The following VAT1 variants were observed in gnomAD, a reference collection of about 807,000 sequenced individuals.
The protein encoded by VAT1 is vesicle amine transport 1, also known as NADPH-dependent quinone oxidoreductase VAT1.
VAT1 carries 24 observed loss-of-function variants against 33.3 expected under a neutral mutation model. That is an observed-to-expected ratio of 0.72 (90% CI 0.52 to 1.01). The LOEUF (loss-of-function observed/expected upper bound fraction) is 1.01, where lower values mean the gene tolerates loss of function less well. Ranked by LOEUF, VAT1 falls within the 50% of genes least tolerant of loss-of-function variation. The pLI, the probability that VAT1 is intolerant of heterozygous loss-of-function variation, is 0.00. For missense variants in VAT1, 436 were observed against 533.7 expected (o/e 0.82, Z 1.80); for synonymous variants, 212 against 225.0 (o/e 0.94, Z 0.52).
rs2050508328 is a variant in VAT1, at chr17:43,014,892, C to T, written c.*1169G>A. ...CTCTGTACTTCCCTGCTCCATCTCC[C>T]CACCCATGTAAACAGAGTTTTGGGC... On this transcript the variant is annotated 3_prime_UTR_variant, in exon 6 of 6. Transcript: ENST00000355653. The T allele has an allele frequency of 6.5e-6, 1 of 152,710 alleles. No individual in the cohort carries two copies. The highest frequency in any genetic ancestry group is 1.5e-5 in the Non-Finnish European group (1 of 68,096). The allele number at this position is 152,710 out of a possible 1,614,324, so 9.5% of individuals were successfully genotyped here. A position where few individuals can be genotyped will look rare whatever the true frequency, so the allele number is the denominator to read the frequency against.
chr17:43,022,047 G>A lies in VAT1; in HGVS notation c.276C>T (p.Asp92=), dbSNP rs753864953. The A allele has an allele frequency of 3.5e-5, 57 of 1,607,272 alleles. No homozygotes were observed. The highest frequency in any genetic ancestry group is 2.0e-4 in the Middle Eastern group (1 of 5,128). Residue 92 remains aspartate (D), a synonymous_variant, in exon 1 of 6, where the codon GAC becomes GAT. Coordinates refer to ENST00000355653, the MANE Select transcript of VAT1 (RefSeq NM_006373.4). ...CGTACAGCCCCTGCCTAGCCATGAG[G>A]TCTGCGAAGTTGAGCCCGCAGGCCC... The part of the protein sequence containing the change: ...RLRACGLNFA[D]LMARQGLYDR...
rs758576139 is a variant in VAT1 at position 43,017,911 on chromosome 17, G to A, written c.786C>T (p.Asp262=). 3.1e-6 allele frequency: 5 copies of A among 1,614,158 alleles called. No individual in the cohort carries two copies. The South Asian group carries it at 5.5e-5, about 18-fold the overall frequency. ...TGGCAGTATCTGACCCACCCAGAGG[G>A]TCCATGACAATGTCCACTCCTGTCA... ...ISPKGVDIVM[D]PLGGSDTAKG... Residue 262 remains aspartate (D), a synonymous_variant, in exon 4 of 6, where the codon GAC becomes GAT. Coordinates refer to ENST00000355653, the MANE Select transcript of VAT1 (RefSeq NM_006373.4).
chr17:43,022,218 G>C lies in VAT1; in HGVS notation c.105C>G (p.Ser35=). The change falls in exon 1 of 6, where the codon TCC becomes TCG. Residue 35 remains serine, a synonymous_variant. Transcript: ENST00000355653. ...AASDPQHPAA[S]EGAAAAAASP... ...AGGCGGCGGCGGCGGCGGCCCCTTC[G>C]GAGGCCGCGGGATGCTGGGGGTCGC... 6.4e-7 allele frequency: 1 copy of C among 1,566,298 alleles called. No homozygotes were observed. Among genetic ancestry groups the C allele is most frequent in the East Asian group, 2.4e-5 (1 of 42,144 alleles).
Position 43,019,067 on chromosome 17 carries a change from CTATCCT to C in VAT1, c.388-274_388-269del, listed in dbSNP as rs1597784336. ...TTACATCAGTTCTTTGAGGCAGATACTATCCTTATCATCTTCTTACAGATCTTACAT... is the reference window on the plus strand; with the variant it reads ...TTACATCAGTTCTTTGAGGCAGATACTATCATCTTCTTACAGATCTTACAT... On this transcript the variant is annotated intron_variant, in intron 1 of 5. Coordinates refer to ENST00000355653, the MANE Select transcript of VAT1 (RefSeq NM_006373.4). 9.9e-6 allele frequency: 5 copies of C among 503,782 alleles called. No homozygotes were observed. In the East Asian group the frequency reaches 1.8e-4, roughly 18 times the overall value. The allele number at this position is 503,782 out of a possible 1,614,324, so 31.2% of individuals were successfully genotyped here.
chr17:43,022,288 G>A lies in VAT1; in HGVS notation c.35C>T (p.Thr12Ile). 1.3e-6 allele frequency: 2 copies of A among 1,587,486 alleles called. No homozygotes were observed. The highest frequency in any genetic ancestry group is 1.7e-6 in the Non-Finnish European group (2 of 1,169,242). Residue 12 changes from threonine to isoleucine, a missense_variant, in exon 1 of 6, where the codon ACC (threonine) becomes ATC (isoleucine). By Grantham distance (89) the Thr-to-Ile change is moderately conservative. Coordinates refer to ENST00000355653, the MANE Select transcript of VAT1 (RefSeq NM_006373.4). The stretch of plus-strand genomic sequence containing the variant: ...AGGCGGCGAAGAGGCGTCTTCCCCG[G>A]TCGCTGCCTCGGCTACCTCTCTCTC... ...SDEREVAEAATGEDASSPPPK... is the reference protein window; with the variant it reads ...SDEREVAEAAIGEDASSPPPK...
At chr17:43,021,682 A>T (rs1161643008) in intron 1 of VAT1, among the ~76,000 whole-genome samples, 2 of 139,778 alleles carry the variant, frequency 1.4e-5, no homozygotes, top group Non-Finnish European at 3.1e-5. Context: ...TTTCCCCCCC[A>T]CCAGCACAGC....
At position 43,018,092 on chromosome 17, in the gene VAT1, G is replaced by T; in HGVS notation, c.710C>A (p.Pro237His). 6.2e-7 allele frequency: 1 copy of T among 1,614,184 alleles called. No homozygotes were observed. Among genetic ancestry groups the T allele is most frequent in the Non-Finnish European group, 8.5e-7 (1 of 1,180,048 alleles). ...GTAGTCAGTCGTGTGATAGTCGATG[G>T]GATGTGTGACCCCATTCTCCTTCAG... ...EALKENGVTH[P>H]IDYHTTDYVD... The change falls in exon 3 of 6, where the codon CCC (proline) becomes CAC (histidine). Residue 237 changes from proline (P) to histidine (H), a missense_variant. Coordinates refer to ENST00000355653, the MANE Select transcript of VAT1 (RefSeq NM_006373.4).
chr17:43,016,112 C>G lies in VAT1; in HGVS notation c.1131G>C (p.Lys377Asn), dbSNP rs776819506. 6.2e-7 allele frequency: 1 copy of G among 1,614,194 alleles called. No homozygotes were observed. The highest frequency in any genetic ancestry group is 1.1e-5 in the South Asian group (1 of 91,080). ...VADAMKQMQE[K>N]KNVGKVLLVP... ...CCAGGAGGACCTTGCCCACATTCTTCTTCTCCTGCATCTGTTTCATGGCAT... is the reference window on the plus strand; with the variant it reads ...CCAGGAGGACCTTGCCCACATTCTTGTTCTCCTGCATCTGTTTCATGGCAT... The change falls in exon 6 of 6, where the codon AAG becomes AAC. Residue 377 changes from lysine to asparagine, a missense_variant. Transcript: ENST00000355653.
chr17:43,020,890 A>AAAAAAG lies in VAT1; in HGVS notation c.387+1040_387+1045dup, dbSNP rs1567747435. ...AACTCCGTCTAAAAAAAAAAAAAAA[A>AAAAAAG]AAAAAGAAAAAGAAAAAAAAAAGAA... On this transcript the variant is annotated intron_variant, in intron 1 of 5. Coordinates refer to ENST00000355653, the MANE Select transcript of VAT1 (RefSeq NM_006373.4). Among the ~76,000 whole-genome samples, 88 of 139,924 alleles carry AAAAAAG rather than the reference A, an allele frequency of 6.3e-4. 1 individual carries two copies. The highest frequency in any genetic ancestry group is 3.7e-3 in the Middle Eastern group (1 of 272). The allele number at this position is 139,924 out of a possible 152,430, so 91.8% of individuals were successfully genotyped here. A position where few individuals can be genotyped will look rare whatever the true frequency, so the allele number is the denominator to read the frequency against.
chr17:43,022,148 A>C lies in VAT1; in HGVS notation c.175T>G (p.Tyr59Asp). The C allele has an allele frequency of 6.4e-7, 1 of 1,558,938 alleles. No individual in the cohort carries two copies. The highest frequency in any genetic ancestry group is 1.2e-5 in the South Asian group (1 of 85,786). ...RCLVLTGFGG[Y>D]DKVKLQSRPA... is the part of the protein sequence containing the mutation. Reference sequence around the variant, plus strand: ...CGGCTCTGCAGCTTCACCTTGTCGTAGCCTCCAAAGCCGGTGAGCACTAGG... The same window carrying C: ...CGGCTCTGCAGCTTCACCTTGTCGTCGCCTCCAAAGCCGGTGAGCACTAGG... Residue 59 changes from tyrosine (Y) to aspartate (D), a missense_variant, in exon 1 of 6, where the codon TAC (tyrosine) becomes GAC (aspartate). By Grantham distance (160) the Tyr-to-Asp change is radical (BLOSUM62 -3). Transcript: ENST00000355653.
chr17:43,018,878 G>A (rs2050543167), intron 1 of VAT1, 79 bp from the exon 2 acceptor site: 1 of 1,479,260 alleles, frequency 6.8e-7, no homozygotes. Flanking sequence ...CTAGGTACAA[G>A]GCTACCTTCT....
chr17:43,022,365 C>T lies in VAT1; in HGVS notation c.-43G>A. 6.7e-7 allele frequency: 1 copy of T among 1,496,044 alleles called. No individual in the cohort carries two copies. The highest frequency in any genetic ancestry group is 8.9e-7 in the Non-Finnish European group (1 of 1,125,158). 92.7% of individuals were successfully genotyped at this position (1,496,044 alleles called of 1,614,324 possible). A position where few individuals can be genotyped will look rare whatever the true frequency, so the allele number is the denominator to read the frequency against. ...AGAGCGCACAGCTGGATGGAGAGTG[C>T]ACAGCTGGGGAAGGCGGAACGCGTC... On this transcript the variant is annotated 5_prime_UTR_variant, in exon 1 of 6. Coordinates refer to ENST00000355653, the MANE Select transcript of VAT1 (RefSeq NM_006373.4).
At chr17:43,020,046 A>G in intron 1 of VAT1, 1 of 955,942 alleles carries the variant, frequency 1.0e-6, no homozygotes, top group Middle Eastern at 5.4e-4. Flanking sequence ...ACTCAGGACT[A>G]GCAGATACAG....
At chr17:43,021,435 C>T (rs2050566055) in intron 1 of VAT1, among the ~76,000 whole-genome samples, 1 of 152,192 alleles carries the variant, frequency 6.6e-6, no homozygotes, top group South Asian at 2.1e-4. Context: ...CCACAGACCA[C>T]GGGGCTGCAT....
chr17:43,015,166 C>T lies in VAT1; in HGVS notation c.*895G>A, dbSNP rs2050510394. ...GAGGGCACCTGTTTTTGCCCTGCCT[C>T]CCCAGGAGGCTTGGGGCTGCCCCAC... On this transcript the variant is annotated 3_prime_UTR_variant, in exon 6 of 6. Coordinates refer to ENST00000355653, the MANE Select transcript of VAT1 (RefSeq NM_006373.4). 6.5e-6 allele frequency: 1 copy of T among 152,684 alleles called. No individual in the cohort carries two copies. The highest frequency in any genetic ancestry group is 2.1e-4 in the South Asian group (1 of 4,826). The allele number at this position is 152,684 out of a possible 1,614,324, so 9.5% of individuals were successfully genotyped here.
At chr17:43,021,228 A>T (rs1423843857) in intron 1 of VAT1, among the ~76,000 whole-genome samples, 1 of 152,188 alleles carries the variant, frequency 6.6e-6, no homozygotes, top group Non-Finnish European at 1.5e-5. Context: ...GCTGAGTCAC[A>T]GGAGGAGGAG....
Position 43,017,836 on chromosome 17 carries a change from C to T in VAT1, c.856+5G>A. ...GCTCTCTCCATCCCTGGCCCACTAA[C>T]TCACCATAGGTGACGACTTTGCCCA... On this transcript the variant is annotated splice_donor_5th_base_variant and intron_variant, in intron 4 of 5. Transcript: ENST00000355653. 2.5e-6 allele frequency: 4 copies of T among 1,614,026 alleles called. No individual in the cohort carries two copies. The highest frequency in any genetic ancestry group is 3.4e-6 in the Non-Finnish European group (4 of 1,179,918).
At chr17:43,021,710 A>C (rs1344253689) in intron 1 of VAT1, among the ~76,000 whole-genome samples, 6 of 151,742 alleles carry the variant, frequency 4.0e-5, no homozygotes, top group Non-Finnish European at 5.9e-5. Context: ...CGGCGGCCAC[A>C]ACTAAAAATG....
intron 1 of VAT1, chr17:43,020,215 A>G: frequency 1.0e-6 from 1 of 983,408 alleles, no homozygotes; most frequent in South Asian, 4.7e-5. Context: ...ACCAGGAAGG[A>G]GGAGGAGGGA....
Sources: allele counts gnomAD v4.1 joint callset (sites outside exome capture counted in the v4.1 genomes callset), GRCh38; gene constraint gnomAD v4.1.1; transcripts MANE v1.5; gene names NCBI Gene and HGNC (gene_info 2026-07-23, HGNC 2026-07-21).